Variants in GDAP1 observed in about 807,000 individuals in gnomAD.
The protein encoded by GDAP1 is ganglioside-induced differentiation-associated protein 1.
GDAP1 carries 34 observed loss-of-function variants against 40.1 expected under a neutral mutation model. The observed-to-expected ratio is 0.85, with a 90% CI of 0.64 to 1.13. GDAP1 has a LOEUF of 1.13. Among genes scored for constraint, GDAP1 ranks in the 50% most tolerant of loss-of-function variants. The pLI is 0.00. For synonymous variants in GDAP1, 170 were observed against 157.4 expected, an observed-to-expected ratio of 1.08 and a Z score of -0.60; for missense variants, 374 against 433.7, an observed-to-expected ratio of 0.86 and a Z score of 1.22.
chr8:74,472,681 A>G (rs551858487), intron 2 of GDAP1, among the ~76,000 whole-genome samples: 1 of 149,902 alleles, frequency 6.7e-6, no homozygotes, highest in South Asian at 2.2e-4. Context: ...CATTTCTCTA[A>G]TGATCAGTGA....
rs912260034 is a variant in GDAP1 at position 74,362,464 on chromosome 8, A to C, written c.580-475A>C. On this transcript the variant is annotated intron_variant, in intron 4 of 5. Transcript: ENST00000220822. ...CACTCCCAACCCTCCCCAACTTCCCACCTTCCTTTATCCTATCGTAGCTAA... is the reference window on the plus strand; with the variant it reads ...CACTCCCAACCCTCCCCAACTTCCCCCCTTCCTTTATCCTATCGTAGCTAA... Among the ~76,000 whole-genome samples, 7 of 151,886 alleles carry C rather than the reference A, an allele frequency of 4.6e-5. No individual in the cohort carries two copies. The East Asian group carries it at 1.4e-3, about 29-fold the overall frequency.
chr8:74,404,720 C>T (rs981840663), intron 2 of GDAP1, among the ~76,000 whole-genome samples: 5 of 149,796 alleles, frequency 3.3e-5, no homozygotes, highest in Non-Finnish European at 4.4e-5. Flanking sequence ...TCCTCCATGA[C>T]TTTTGAACCT....
chr8:74,445,431 G>T (rs1036913490), intron 2 of GDAP1, among the ~76,000 whole-genome samples: 3 of 152,022 alleles, frequency 2.0e-5, no homozygotes, highest in Admixed American at 2.0e-4. Context: ...TGTTTATTTT[G>T]CTTCTTTTGC....
At chr8:74,378,370 G>T (rs73347252) in intron 2 of GDAP1, among the ~76,000 whole-genome samples, 1 of 152,166 alleles carries the variant, frequency 6.6e-6, no homozygotes, top group East Asian at 1.9e-4. Context: ...TGAGCTCAGC[G>T]TTCTTTACCT....
chr8:74,403,672 G>C (rs892140243), intron 2 of GDAP1, among the ~76,000 whole-genome samples: 1 of 150,280 alleles, frequency 6.7e-6, no homozygotes, highest in East Asian at 1.9e-4. Flanking sequence ...GCAGATTTCT[G>C]ACCTTGCCGG....
chr8:74,479,460 A>ATTTCTT, intron 2 of GDAP1, among the ~76,000 whole-genome samples: 2 of 152,170 alleles, frequency 1.3e-5, no homozygotes, highest in Admixed American at 6.5e-5. Flanking sequence ...TTTATTTCCT[A>ATTTCTT]TAATTTCTTT....
chr8:74,371,841 G>A (rs983985152), downstream of GDAP1, among the ~76,000 whole-genome samples: 2 of 151,940 alleles, frequency 1.3e-5, no homozygotes, highest in East Asian at 1.9e-4. Flanking sequence ...TGTGACATAT[G>A]TATACATGTG....
intron 2 of GDAP1, among the ~76,000 whole-genome samples, chr8:74,374,942 C>G (rs1316246176): frequency 6.6e-6 from 1 of 152,172 alleles, no homozygotes; most frequent in Non-Finnish European, 1.5e-5. Flanking sequence ...GCCAACTGTA[C>G]ATAAGCTTTT....
At position 74,360,094 on chromosome 8, in the gene GDAP1, CAT is replaced by C. The variant is rs760447972; in HGVS notation, c.311-42_311-41del. ...TGTTTTGCTTTTGAGTGTAACAACT[CAT>C]GTGTAACTTTTTCTTCAATATTTGT... On this transcript the variant is annotated intron_variant, in intron 2 of 5. Transcript: ENST00000220822. 1.5e-4 allele frequency: 211 copies of C among 1,442,100 alleles called. 2 individuals carry two copies. The highest frequency in any genetic ancestry group is 1.1e-3 in the East Asian group (50 of 44,060). The allele number at this position is 1,442,100 out of a possible 1,614,324, so 89.3% of individuals were successfully genotyped here.
intron 2 of GDAP1, among the ~76,000 whole-genome samples, chr8:74,396,357 A>C (rs530701471): frequency 1.3e-5 from 2 of 148,732 alleles, no homozygotes; most frequent in African/African-American, 4.9e-5. Flanking sequence ...CTTTTATTTT[A>C]TTATTATTAT....
intron 1 of GDAP1, 33 bp downstream of exon 1, chr8:74,350,611 G>T: frequency 7.7e-7 from 1 of 1,302,054 alleles, no homozygotes; most frequent in Non-Finnish European, 1.1e-6. Context: ...AGGGTGGCGC[G>T]GATCGGGCTT....
chr8:74,422,258 TTTC>T (rs1251967674), intron 2 of GDAP1, among the ~76,000 whole-genome samples: 4 of 150,676 alleles, frequency 2.7e-5, no homozygotes, highest in African/African-American at 9.8e-5. Flanking sequence ...CCTTTCTTTC[TTTC>T]TTTTTCTTTT....
At chr8:74,353,870 A>G (rs554735512) in intron 2 of GDAP1, among the ~76,000 whole-genome samples, 1 of 152,300 alleles carries the variant, frequency 6.6e-6, no homozygotes, top group South Asian at 2.1e-4. Context: ...GATTGTGAAT[A>G]GTTATTTAAA....
chr8:74,478,479 G>T (rs1586847910), intron 2 of GDAP1, among the ~76,000 whole-genome samples: 3 of 151,976 alleles, frequency 2.0e-5, no homozygotes, highest in Admixed American at 2.0e-4. Flanking sequence ...TATGATGTGG[G>T]CCCCCAGGAG....
Position 74,413,779 on chromosome 8 carries a change from A to T in GDAP1, c.165+62458A>T, listed in dbSNP as rs1036626790. Among the ~76,000 whole-genome samples the T allele has an allele frequency of 7.5e-5, 11 of 146,558 alleles. 2 individuals carry two copies. Among genetic ancestry groups the T allele is most frequent in the African/African-American group, 2.7e-4 (10 of 37,144 alleles). ...ATTTGGCCCCAAAGTGGTTGCAACCATAGGAAGTACATAACAGAGCAGGGT... is the reference window on the plus strand; with the variant it reads ...ATTTGGCCCCAAAGTGGTTGCAACCTTAGGAAGTACATAACAGAGCAGGGT... On this transcript the variant is annotated intron_variant, in intron 2 of 2. Coordinates refer to the GDAP1 transcript ENST00000523640.
chr8:74,419,850 C>T (rs1176962952), intron 2 of GDAP1, among the ~76,000 whole-genome samples: 2 of 152,026 alleles, frequency 1.3e-5, no homozygotes, highest in African/African-American at 2.4e-5. Flanking sequence ...GTGATGTAGC[C>T]AGTCCACCTT....
At chr8:74,386,082 G>T (rs532341004) in intron 2 of GDAP1, among the ~76,000 whole-genome samples, 2 of 152,226 alleles carry the variant, frequency 1.3e-5, no homozygotes, top group African/African-American at 4.8e-5. Context: ...ATAGATTCTG[G>T]ATATTATCCC....
intron 2 of GDAP1, among the ~76,000 whole-genome samples, chr8:74,422,277 C>T (rs1021711197): frequency 1.4e-4 from 14 of 103,132 alleles, no homozygotes; most frequent in South Asian, 6.8e-4. Context: ...CTTTTCTTTT[C>T]TTTTTTCTTT....
chr8:74,353,686 C>T (rs1338350360), intron 2 of GDAP1, among the ~76,000 whole-genome samples: 1 of 152,182 alleles, frequency 6.6e-6, no homozygotes, highest in African/African-American at 2.4e-5. Flanking sequence ...CTTGTTAGAA[C>T]TGCAGAACCT....
Sources: gnomAD v4.1 joint callset for allele counts (sites outside exome capture counted in the v4.1 genomes callset) on GRCh38, gnomAD v4.1.1 for gene constraint, MANE v1.5 for transcripts, NCBI Gene and HGNC (gene_info 2026-07-23, HGNC 2026-07-21) for gene names.